The following PTPRD variants were observed in gnomAD, a reference collection of about 807,000 sequenced individuals.
PTPRD encodes the protein protein tyrosine phosphatase receptor type D.
Under a neutral mutation model 214.5 loss-of-function variants are expected in PTPRD, and 34 were observed. The ratio of observed to expected loss-of-function variants is 0.16; its 90% CI spans 0.12 to 0.21. PTPRD has a LOEUF of 0.21. Ranked by LOEUF, PTPRD falls within the 10% of genes least tolerant of loss-of-function variation. PTPRD has a pLI of 1.00. For missense variants in PTPRD, 2,545 were observed against 2,398.7 expected, an observed-to-expected ratio of 1.06 and a Z score of -1.27; for synonymous variants, 1,128 against 845.7, an observed-to-expected ratio of 1.33 and a Z score of -5.79.
chr9:9,806,756 T>G (rs2099075628), intron 5 of PTPRD, among the ~76,000 whole-genome samples: 2 of 152,106 alleles, frequency 1.3e-5, no homozygotes, highest in Non-Finnish European at 2.9e-5. Flanking sequence ...TCTCAGGAGT[T>G]GAGCGAGTGG....
chr9:10,482,167 T>A (rs2224582), intron 2 of PTPRD, among the ~76,000 whole-genome samples: 15 of 151,736 alleles, frequency 9.9e-5, no homozygotes, highest in South Asian at 8.3e-4. Flanking sequence ...GTCAGGAGAT[T>A]GAGACCAGCC....
chr9:8,397,511 C>T (rs1356609117), intron 36 of PTPRD, among the ~76,000 whole-genome samples: 1 of 151,940 alleles, frequency 6.6e-6, no homozygotes, highest in East Asian at 1.9e-4. Context: ...ACCAGATATG[C>T]CCCTTGCCCA....
intron 3 of PTPRD, among the ~76,000 whole-genome samples, chr9:10,103,377 T>TTTTATATATATATATATATATATATATA (rs1554643479): frequency 2.9e-4 from 21 of 72,420 alleles, no homozygotes; most frequent in African/African-American, 1.2e-3. Context: ...AAACTGCATA[T>TTTTATATATATATATATATATATATATA]TATATATATA....
chr9:8,341,975 C>T lies in PTPRD; in HGVS notation c.4665G>A (p.Ala1555=), dbSNP rs779308124. ...DAGPMVVHCS[A]GVGRTGCFIV... The stretch of plus-strand genomic sequence containing the variant: ...TGAAGCAACCAGTCCGGCCAACTCC[C>T]GCACTATGAGGAAAATAGAGAAGAA... Residue 1555 remains alanine (A), a synonymous_variant, in exon 40 of 46, where the codon GCG becomes GCA. Coordinates refer to ENST00000381196, the MANE Select transcript of PTPRD (RefSeq NM_002839.4). The T allele has an allele frequency of 5.0e-6, 8 of 1,601,246 alleles. No individual in the cohort carries two copies. Among genetic ancestry groups the T allele is most frequent in the East Asian group, 2.2e-5 (1 of 44,630 alleles).
In PTPRD at chr9:9,503,800, C is replaced by G. The variant is rs775098061; in HGVS notation, c.-237+70932G>C. ...TTTTACAAAGGCTCTCTGAAGCATT[C>G]TTGGGCATGTATGCCTATCACAGAA... On this transcript the variant is annotated intron_variant, in intron 8 of 45. Transcript: ENST00000381196. Among the ~76,000 whole-genome samples, 6 of 151,712 alleles carry G rather than the reference C, an allele frequency of 4.0e-5. 1 individual carries two copies. The highest frequency in any genetic ancestry group is 6.6e-5 in the Admixed American group (1 of 15,180).
intron 8 of PTPRD, among the ~76,000 whole-genome samples, chr9:9,411,753 A>G (rs1287754397): frequency 6.6e-6 from 1 of 152,264 alleles, no homozygotes; most frequent in African/African-American, 2.4e-5. Context: ...AATGTTTTAA[A>G]TTAACCAAAG....
chr9:9,980,608 CAAAAAAA>C lies in PTPRD; in HGVS notation c.-471-42005_-471-41999del, dbSNP rs750547585. ...TGGGTAACAGAGTGAGACACCTTGT[CAAAAAAA>C]AACAAAAAAAAAAAAAAAACAAAAA... On this transcript the variant is annotated intron_variant, in intron 4 of 45. Transcript: ENST00000381196. Among the ~76,000 whole-genome samples, 35 of 11,416 alleles carry C rather than the reference CAAAAAAA, an allele frequency of 3.1e-3. 1 individual carries two copies. Among genetic ancestry groups the C allele is most frequent in the African/African-American group, 0.012 (34 of 2,778 alleles). The allele number at this position is 11,416 out of a possible 152,430, so 7.5% of individuals were successfully genotyped here. A position where few individuals can be genotyped will look rare whatever the true frequency, so the allele number is the denominator to read the frequency against.
chr9:8,318,150 T>TTGAC (rs1823340116), intron 45 of PTPRD, among the ~76,000 whole-genome samples: 1 of 151,934 alleles, frequency 6.6e-6, no homozygotes, highest in African/African-American at 2.4e-5. Flanking sequence ...GCCAATCAAT[T>TTGAC]TGACTAAAAC....
chr9:10,356,807 G>A (rs2097287754), intron 2 of PTPRD, among the ~76,000 whole-genome samples: 1 of 151,948 alleles, frequency 6.6e-6, no homozygotes. Context: ...AGCCTTCTGA[G>A]TAGCTGGGAT....
At chr9:10,444,614 T>G (rs1439833121) in intron 2 of PTPRD, among the ~76,000 whole-genome samples, 1 of 151,664 alleles carries the variant, frequency 6.6e-6, no homozygotes, top group Admixed American at 6.6e-5. Context: ...ATATGAAATA[T>G]AAAGGAAGAT....
chr9:10,201,221 A>G (rs1224680891), intron 3 of PTPRD, among the ~76,000 whole-genome samples: 4 of 152,074 alleles, frequency 2.6e-5, no homozygotes, highest in African/African-American at 9.7e-5. Context: ...TTGAATGAAC[A>G]TAGTATAAAA....
At chr9:9,097,281 G>A (rs965692754) in intron 10 of PTPRD, among the ~76,000 whole-genome samples, 4 of 152,136 alleles carry the variant, frequency 2.6e-5, no homozygotes, top group African/African-American at 9.7e-5. Flanking sequence ...ACTATAATGA[G>A]GAGATTCTGG....
intron 10 of PTPRD, among the ~76,000 whole-genome samples, chr9:9,121,736 G>T (rs1481487445): frequency 3.9e-5 from 6 of 152,070 alleles, no homozygotes; most frequent in African/African-American, 1.4e-4. Flanking sequence ...CTGCTCAGGT[G>T]ATGGGTGCAT....
chr9:9,747,539 G>T lies in PTPRD; in HGVS notation c.-325-12968C>A, dbSNP rs377292924. Among the ~76,000 whole-genome samples, 281 of 132,836 alleles carry T rather than the reference G, an allele frequency of 2.1e-3. 2 individuals carry two copies. Among genetic ancestry groups the T allele is most frequent in the East Asian group, 8.7e-3 (39 of 4,500 alleles). 87.1% of individuals were successfully genotyped at this position (132,836 alleles called of 152,430 possible). On this transcript the variant is annotated intron_variant, in intron 6 of 45. Transcript: ENST00000381196. ...TATACCTGGTGACTGAATCTTTTTT[G>T]TTTTTTTTTTTTTTTTTTCTCCCTG... is the stretch of plus-strand genomic sequence containing the variant.
At chr9:10,090,963 C>T (rs1590893502) in intron 3 of PTPRD, among the ~76,000 whole-genome samples, 1 of 136,634 alleles carries the variant, frequency 7.3e-6, no homozygotes, top group South Asian at 2.4e-4. Context: ...CACACACATG[C>T]ATGTGGTAGA....
At chr9:9,060,954 C>G (rs1164948263) in intron 10 of PTPRD, among the ~76,000 whole-genome samples, 1 of 152,170 alleles carries the variant, frequency 6.6e-6, no homozygotes, top group African/African-American at 2.4e-5. Flanking sequence ...ACTTGCAGCA[C>G]TGTGGAATCT....
At chr9:8,505,307 A>G (rs745936671) in intron 22 of PTPRD, among the ~76,000 whole-genome samples, 4 of 152,160 alleles carry the variant, frequency 2.6e-5, no homozygotes, top group Non-Finnish European at 4.4e-5. Context: ...AGTGTTTGCT[A>G]TTCACACAAA....
chr9:8,529,799 T>C (rs1015095094), intron 14 of PTPRD, among the ~76,000 whole-genome samples: 5 of 152,162 alleles, frequency 3.3e-5, no homozygotes, highest in African/African-American at 1.2e-4. Context: ...TCATGAATTT[T>C]TGTTATTATA....
At chr9:9,760,134 T>C (rs2098639194) in intron 6 of PTPRD, among the ~76,000 whole-genome samples, 1 of 152,148 alleles carries the variant, frequency 6.6e-6, no homozygotes, top group South Asian at 2.1e-4. Flanking sequence ...CGCTACCCTA[T>C]TTCTGTGTGT....
Sources: allele counts gnomAD v4.1 joint callset (sites outside exome capture counted in the v4.1 genomes callset), GRCh38; gene constraint gnomAD v4.1.1; transcripts MANE v1.5; gene names NCBI Gene and HGNC (gene_info 2026-07-23, HGNC 2026-07-21).